The following RBM6 variants were observed in gnomAD, a reference collection of about 807,000 sequenced individuals.
The protein encoded by RBM6 is RNA binding motif protein 6.
In RBM6, 23 loss-of-function variants were observed where a neutral mutation model predicts 140.4. The observed-to-expected ratio is 0.16, with a 90% CI of 0.12 to 0.23. RBM6 has a LOEUF of 0.23. Among genes scored for constraint, RBM6 ranks in the 10% least tolerant of loss-of-function variants. The pLI is 1.00. For synonymous variants in RBM6, 439 were observed against 475.6 expected (o/e 0.92, Z 1.00); for missense variants, 1,139 against 1,386.7 (o/e 0.82, Z 2.84).
At chr3:49,959,486 G>T (rs941884726) in intron 1 of RBM6, among the ~76,000 whole-genome samples, 16 of 147,814 alleles carry the variant, frequency 1.1e-4, no homozygotes, top group Non-Finnish European at 1.2e-4. Flanking sequence ...GGTGTGAGCC[G>T]CCTCGCCCGG....
chr3:49,950,216 T>A (rs2083674479), intron 1 of RBM6, among the ~76,000 whole-genome samples: 1 of 152,140 alleles, frequency 6.6e-6, no homozygotes, highest in African/African-American at 2.4e-5. Flanking sequence ...ATGTCCTGTG[T>A]AGCCCACAAC....
At chr3:49,999,078 G>A (rs1182043506) in intron 5 of RBM6, among the ~76,000 whole-genome samples, 2 of 138,862 alleles carry the variant, frequency 1.4e-5, no homozygotes, top group East Asian at 2.1e-4. Context: ...TGCTCTTGTC[G>A]ACTTTGTTTT....
At chr3:49,978,863 A>C (rs1381946001) in intron 5 of RBM6, among the ~76,000 whole-genome samples, 1 of 152,194 alleles carries the variant, frequency 6.6e-6, no homozygotes, top group Non-Finnish European at 1.5e-5. Flanking sequence ...TGCCATTTAC[A>C]AATACATTAT....
chr3:49,997,524 C>T (rs531713192), intron 5 of RBM6, among the ~76,000 whole-genome samples: 1 of 152,114 alleles, frequency 6.6e-6, no homozygotes, highest in African/African-American at 2.4e-5. Context: ...AGTATTAGTT[C>T]TCTATGTTTT....
intron 6 of RBM6, among the ~76,000 whole-genome samples, chr3:50,007,561 C>G (rs1209182022): frequency 2.6e-5 from 4 of 151,020 alleles, no homozygotes; most frequent in Middle Eastern, 3.4e-3. Context: ...GAGACAGAGT[C>G]TGGCTCTGTC....
chr3:50,061,691 G>C, intron 14 of RBM6, 144 bp downstream of exon 14: 1 of 1,450,168 alleles, frequency 6.9e-7, no homozygotes, highest in Non-Finnish European at 9.0e-7. Flanking sequence ...GAAAAGTTTA[G>C]ATCTATGGAA....
intron 1 of RBM6, among the ~76,000 whole-genome samples, chr3:49,956,638 T>C (rs2084004476): frequency 6.8e-6 from 1 of 147,572 alleles, no homozygotes; most frequent in African/African-American, 2.5e-5. Context: ...GGCCCACGCT[T>C]TATTTTTTTA....
At position 50,048,420 on chromosome 3, in the gene RBM6, A is replaced by G. The variant is rs899283341; in HGVS notation, c.1632+101A>G. 2.6e-6 allele frequency: 4 copies of G among 1,512,940 alleles called. No homozygotes were observed. The African/African-American group carries it at 5.6e-5, about 21-fold the overall frequency. 93.7% of individuals were successfully genotyped at this position (1,512,940 alleles called of 1,614,324 possible). ...CTGCTAACATGCATTCCCAAGGACA[A>G]AGCTCTTCTTCCTCAGGTCACTTCA... On this transcript the variant is annotated intron_variant, in intron 7 of 20. Transcript: ENST00000266022.
At chr3:50,029,082 G>A (rs1005775224) in intron 6 of RBM6, among the ~76,000 whole-genome samples, 3 of 152,296 alleles carry the variant, frequency 2.0e-5, no homozygotes, top group Middle Eastern at 3.4e-3. Context: ...GTAGTGAATG[G>A]AATGACTTGG....
intron 5 of RBM6, among the ~76,000 whole-genome samples, chr3:49,989,102 A>G (rs1372662601): frequency 5.3e-5 from 8 of 152,242 alleles, no homozygotes; most frequent in Non-Finnish European, 1.0e-4. Context: ...ATCATCACAT[A>G]GCAAAATCTT....
chr3:49,986,779 C>G (rs2085583348), intron 5 of RBM6, among the ~76,000 whole-genome samples: 1 of 140,716 alleles, frequency 7.1e-6, no homozygotes, highest in South Asian at 2.7e-4. Flanking sequence ...CTCCCCTTCT[C>G]TTTTCTTCTC....
chr3:49,999,634 T>C (rs2108736594), intron 6 of RBM6, 121 bp downstream of exon 6: 2 of 835,318 alleles, frequency 2.4e-6, no homozygotes, highest in Non-Finnish European at 4.0e-6. Flanking sequence ...GAGCATACTG[T>C]ATTCCAACCA....
intron 17 of RBM6, among the ~76,000 whole-genome samples, chr3:50,067,150 G>A (rs2090148897): frequency 1.5e-5 from 2 of 129,056 alleles, no homozygotes; most frequent in Non-Finnish European, 3.1e-5. Flanking sequence ...TCACACCACT[G>A]CACTCCAGCC....
chr3:49,976,055 C>A (rs2085049070), intron 5 of RBM6, among the ~76,000 whole-genome samples: 1 of 151,884 alleles, frequency 6.6e-6, no homozygotes, highest in African/African-American at 2.4e-5. Flanking sequence ...GGTTTTTGAC[C>A]AATATTTTTA....
chr3:50,009,387 T>C (rs2086734859), intron 6 of RBM6, among the ~76,000 whole-genome samples: 2 of 152,156 alleles, frequency 1.3e-5, no homozygotes, highest in South Asian at 4.1e-4. Context: ...TTGAGTGTTA[T>C]TAGGTATCTT....
intron 5 of RBM6, among the ~76,000 whole-genome samples, chr3:49,983,351 G>A (rs1436998232): frequency 1.3e-5 from 2 of 152,124 alleles, no homozygotes; most frequent in Non-Finnish European, 2.9e-5. Flanking sequence ...CAGTAGCCGA[G>A]TGTGGTGATG....
In RBM6 at chr3:50,044,086, G is replaced by T. The variant is rs185449241; in HGVS notation, c.1558-4159G>T. On this transcript the variant is annotated intron_variant, in intron 6 of 20. Coordinates refer to ENST00000266022, the MANE Select transcript of RBM6 (RefSeq NM_005777.3). ...AGTAGAGACAGGGTTTCACTGTGTT[G>T]CCCAGGCTGGTCTCGAACTGAGCTC... Among the ~76,000 whole-genome samples, 287 of 151,366 alleles carry T rather than the reference G, an allele frequency of 1.9e-3. 1 individual carries two copies. The highest frequency in any genetic ancestry group is 6.7e-3 in the African/African-American group (277 of 41,242).
At chr3:50,043,249 C>T (rs1235130284) in intron 6 of RBM6, among the ~76,000 whole-genome samples, 4 of 151,892 alleles carry the variant, frequency 2.6e-5, no homozygotes, top group African/African-American at 7.3e-5. Context: ...TTCGGGAGGC[C>T]GAGGCAGGCG....
intron 6 of RBM6, chr3:50,047,225 A>T (rs2089265598): frequency 1.0e-6 from 1 of 985,008 alleles, no homozygotes; most frequent in Non-Finnish European, 1.2e-6. Flanking sequence ...ATTGCAAAGA[A>T]ATGGCTTGTA....
Sources: gnomAD v4.1 joint callset for allele counts (sites outside exome capture counted in the v4.1 genomes callset) on GRCh38, gnomAD v4.1.1 for gene constraint, MANE v1.5 for transcripts, NCBI Gene and HGNC (gene_info 2026-07-23, HGNC 2026-07-21) for gene names.